NUBPL: variants seen among roughly 807,000 people sequenced by gnomAD.
NUBPL encodes iron-sulfur cluster transfer protein NUBPL.
A neutral mutation model predicts 45.7 loss-of-function variants in NUBPL; 31 were observed. The ratio of observed to expected loss-of-function variants is 0.68; its 90% CI spans 0.51 to 0.92. The LOEUF (loss-of-function observed/expected upper bound fraction) is 0.92, where lower values mean the gene tolerates loss of function less well. NUBPL is among the 40% of genes least tolerant of loss of function. The pLI, the probability that NUBPL is intolerant of heterozygous loss-of-function variation, is 0.00. For synonymous variants in NUBPL, 144 were observed against 140.9 expected, an observed-to-expected ratio of 1.02 and a Z score of -0.15; for missense variants, 401 against 398.7, an observed-to-expected ratio of 1.01 and a Z score of -0.05.
chr14:31,751,862 G>GGA (rs1251421199), intron 6 of NUBPL, among the ~76,000 whole-genome samples: 1 of 135,434 alleles, frequency 7.4e-6, no homozygotes, highest in Non-Finnish European at 1.7e-5. Flanking sequence ...CTGAAACTTA[G>GGA]GAGGAGGTTC....
At chr14:31,853,232 G>T (rs73259070) in intron 10 of NUBPL, among the ~76,000 whole-genome samples, 39,841 of 151,918 alleles carry the variant, frequency 0.26, 7,912 homozygotes, top group African/African-American at 0.56. Flanking sequence ...TTTTTTGTGT[G>T]TTTGGTAGAG....
At chr14:31,569,945 G>C (rs1207008531) in intron 3 of NUBPL, among the ~76,000 whole-genome samples, 1 of 152,028 alleles carries the variant, frequency 6.6e-6, no homozygotes, top group Non-Finnish European at 1.5e-5. Context: ...GCAAAAATTT[G>C]ATGCACAGTT....
chr14:31,857,968 C>T (rs1351742123), intron 10 of NUBPL, among the ~76,000 whole-genome samples: 1 of 152,162 alleles, frequency 6.6e-6, no homozygotes, highest in Admixed American at 6.5e-5. Flanking sequence ...CTGGTACCAA[C>T]TTACCGTAAT....
At chr14:31,619,778 C>T (rs755887969) in intron 4 of NUBPL, among the ~76,000 whole-genome samples, 14 of 152,030 alleles carry the variant, frequency 9.2e-5, no homozygotes, top group Admixed American at 2.6e-4. Flanking sequence ...TTGCTCTTTT[C>T]GAGGAGTGTG....
intron 6 of NUBPL, among the ~76,000 whole-genome samples, chr14:31,699,843 A>G (rs1421017482): frequency 6.6e-6 from 1 of 152,186 alleles, no homozygotes; most frequent in African/African-American, 2.4e-5. Context: ...GAGAAGTTTG[A>G]TACTCTTCTA....
At position 31,669,797 on chromosome 14, in the gene NUBPL, G is replaced by GTTTTTTTTTT. The variant is rs1211411877; in HGVS notation, c.383-3556_383-3547dup. On this transcript the variant is annotated intron_variant, in intron 4 of 10. Coordinates refer to ENST00000281081, the MANE Select transcript of NUBPL (RefSeq NM_025152.3). ...TCTTCCTGCAAAAGACATGATCTTGGTTTTTTTTTTTGTTTTTTTTTTTTT... is the reference window on the plus strand; with the variant it reads ...TCTTCCTGCAAAAGACATGATCTTGGTTTTTTTTTTTTTTTTTTTTTGTTTTTTTTTTTTT... Among the ~76,000 whole-genome samples the GTTTTTTTTTT allele has an allele frequency of 5.4e-4, 37 of 68,634 alleles. 9 individuals carry two copies. The highest frequency in any genetic ancestry group is 7.7e-4 in the Admixed American group (3 of 3,908). The allele number at this position is 68,634 out of a possible 152,430, so 45.0% of individuals were successfully genotyped here. A position where few individuals can be genotyped will look rare whatever the true frequency, so the allele number is the denominator to read the frequency against.
chr14:31,592,453 T>G (rs1472360599), intron 3 of NUBPL, among the ~76,000 whole-genome samples: 3 of 152,176 alleles, frequency 2.0e-5, no homozygotes, highest in Non-Finnish European at 4.4e-5. Flanking sequence ...TGAATCATTC[T>G]TGCAGCCCTG....
intron 6 of NUBPL, among the ~76,000 whole-genome samples, chr14:31,736,621 A>G (rs915299101): frequency 6.6e-5 from 10 of 152,106 alleles, no homozygotes; most frequent in African/African-American, 2.4e-4. Flanking sequence ...CATCTGAGTT[A>G]TTTCTAACTT....
chr14:31,780,686 C>G (rs567287510), intron 6 of NUBPL, among the ~76,000 whole-genome samples: 1 of 152,210 alleles, frequency 6.6e-6, no homozygotes, highest in East Asian at 1.9e-4. Context: ...TGGACTATAG[C>G]CAATTGCAAG....
chr14:31,602,544 A>C (rs2034471013), intron 4 of NUBPL, among the ~76,000 whole-genome samples: 1 of 152,130 alleles, frequency 6.6e-6, no homozygotes, highest in Non-Finnish European at 1.5e-5. Flanking sequence ...GAAATCAGAC[A>C]TGGTACTGGA....
At chr14:31,642,188 T>C (rs1384983529) in intron 4 of NUBPL, among the ~76,000 whole-genome samples, 1 of 152,180 alleles carries the variant, frequency 6.6e-6, no homozygotes. Context: ...TAGCTTGGTA[T>C]GATCCCATTC....
intron 3 of NUBPL, among the ~76,000 whole-genome samples, chr14:31,573,615 T>C (rs1243284826): frequency 6.6e-6 from 1 of 152,216 alleles, no homozygotes; most frequent in African/African-American, 2.4e-5. Flanking sequence ...CCAAATCAAT[T>C]ACCTGTTCCT....
At chr14:31,601,932 G>A (rs180747049) in intron 4 of NUBPL, among the ~76,000 whole-genome samples, 10 of 152,228 alleles carry the variant, frequency 6.6e-5, no homozygotes, top group Middle Eastern at 3.4e-3. Context: ...ATAAAGACAC[G>A]TGCACACGTA....
intron 6 of NUBPL, among the ~76,000 whole-genome samples, chr14:31,748,690 G>A (rs1287696933): frequency 1.3e-5 from 2 of 152,050 alleles, no homozygotes; most frequent in African/African-American, 4.8e-5. Context: ...TCGGCTCACT[G>A]CAACCTCTGC....
rs138321392 is a variant in NUBPL at position 31,622,348 on chromosome 14, G to A, written c.382+22969G>A. ...TGGAAATATTGCAGCCTGACCATAC[G>A]GTAGGAAAGCAAAACTCGTTTTTTT... On this transcript the variant is annotated intron_variant, in intron 4 of 10. Transcript: ENST00000281081. Among the ~76,000 whole-genome samples the A allele has an allele frequency of 8.5e-5, 13 of 152,224 alleles. No homozygotes were observed. The East Asian group carries it at 2.5e-3, about 29-fold the overall frequency.
intron 4 of NUBPL, among the ~76,000 whole-genome samples, chr14:31,653,230 A>C (rs997897704): frequency 1.3e-5 from 2 of 152,196 alleles, no homozygotes; most frequent in African/African-American, 4.8e-5. Context: ...CATCTTAAAC[A>C]ACAGAAAACA....
rs574309468 is a variant in NUBPL at position 31,622,847 on chromosome 14, A to G, written c.382+23468A>G. Among the ~76,000 whole-genome samples, 409 of 152,328 alleles carry G rather than the reference A, an allele frequency of 2.7e-3. 1 individual carries two copies. The highest frequency in any genetic ancestry group is 9.2e-3 in the African/African-American group (381 of 41,582). Reference sequence around the variant, plus strand: ...CTTTTAGGGCAATGCAGAGGGGGATATGTTAGATTGGAGCCCCCACAGAGT... The same window carrying G: ...CTTTTAGGGCAATGCAGAGGGGGATGTGTTAGATTGGAGCCCCCACAGAGT... On this transcript the variant is annotated intron_variant, in intron 4 of 10. Coordinates refer to ENST00000281081, the MANE Select transcript of NUBPL (RefSeq NM_025152.3).
chr14:31,595,350 A>G (rs1317751770), intron 3 of NUBPL, among the ~76,000 whole-genome samples: 1 of 152,242 alleles, frequency 6.6e-6, no homozygotes, highest in Non-Finnish European at 1.5e-5. Flanking sequence ...AGATACCAAC[A>G]TTAGGTTAAG....
chr14:31,776,241 A>C (rs1332985744), intron 6 of NUBPL, among the ~76,000 whole-genome samples: 1 of 152,162 alleles, frequency 6.6e-6, no homozygotes, highest in Non-Finnish European at 1.5e-5. Context: ...ATACTTAGTA[A>C]AATATAATTT....
Sources: allele counts gnomAD v4.1 joint callset (sites outside exome capture counted in the v4.1 genomes callset), GRCh38; gene constraint gnomAD v4.1.1; transcripts MANE v1.5; gene names NCBI Gene and HGNC (gene_info 2026-07-23, HGNC 2026-07-21).